FRMD3: variants seen among roughly 807,000 people sequenced by gnomAD.
FRMD3 encodes FERM domain containing 3.
A neutral mutation model predicts 70.2 loss-of-function variants in FRMD3; 33 were observed. That is an observed-to-expected ratio of 0.47 (90% CI 0.36 to 0.63). The LOEUF is 0.63. FRMD3 is among the 20% of genes least tolerant of loss of function. The probability of loss-of-function intolerance (pLI) is 0.00; values close to 1 mark genes in which losing one functional copy is unlikely to be tolerated. For synonymous variants in FRMD3, 279 were observed against 255.9 expected, an observed-to-expected ratio of 1.09 and a Z score of -0.86; for missense variants, 632 against 711.4, an observed-to-expected ratio of 0.89 and a Z score of 1.27.
chr9:83,311,287 G>GAAAA (rs35801668), intron 8 of FRMD3, among the ~76,000 whole-genome samples: 1 of 121,592 alleles, frequency 8.2e-6, no homozygotes, highest in African/African-American at 3.3e-5. Flanking sequence ...GAATGGCAGA[G>GAAAA]AAAAAAAAAA....
chr9:83,252,915 A>G (rs1832498327), intron 13 of FRMD3, among the ~76,000 whole-genome samples: 1 of 152,174 alleles, frequency 6.6e-6, no homozygotes, highest in South Asian at 2.1e-4. Context: ...TAGACTCTAC[A>G]CAATAATAGT....
chr9:83,346,311 G>A (rs1161170294), intron 4 of FRMD3, among the ~76,000 whole-genome samples: 1 of 145,384 alleles, frequency 6.9e-6, no homozygotes, highest in African/African-American at 2.5e-5. Context: ...CCCAGCTGAC[G>A]AATACATAAA....
chr9:83,535,225 GC>G (rs1829867195), intron 1 of FRMD3, among the ~76,000 whole-genome samples: 1 of 152,150 alleles, frequency 6.6e-6, no homozygotes, highest in Non-Finnish European at 1.5e-5. Context: ...TCAAGAAATG[GC>G]ACCTAGAGCT....
chr9:83,247,156 GCT>G lies in FRMD3; in HGVS notation c.*760_*761del, dbSNP rs1379457243. The G allele has an allele frequency of 2.0e-6, 2 of 985,122 alleles. No homozygotes were observed. Among genetic ancestry groups the G allele is most frequent in the East Asian group, 2.3e-4 (2 of 8,816 alleles). 61.0% of individuals were successfully genotyped at this position (985,122 alleles called of 1,614,324 possible). ...ATGGACCACCCTGAGTCCACTTGAT[GCT>G]CTCAGTTTCTACATCCTCCAGTTCC... On this transcript the variant is annotated 3_prime_UTR_variant, in exon 14 of 14. Coordinates refer to ENST00000304195, the MANE Select transcript of FRMD3 (RefSeq NM_174938.6).
intron 1 of FRMD3, among the ~76,000 whole-genome samples, chr9:83,494,858 T>TGTGTGTGTGTGC (rs781680772): frequency 6.7e-6 from 1 of 148,718 alleles, no homozygotes; most frequent in African/African-American, 2.5e-5. Flanking sequence ...TGTGTGTGTG[T>TGTGTGTGTGTGC]GCGCGCGCGC....
intron 1 of FRMD3, among the ~76,000 whole-genome samples, chr9:83,433,772 T>C (rs1827050898): frequency 6.6e-6 from 1 of 152,164 alleles, no homozygotes; most frequent in South Asian, 2.1e-4. Context: ...CAATAGGGTC[T>C]GCACCCCTAT....
chr9:83,283,545 A>T (rs1342113907), intron 13 of FRMD3, among the ~76,000 whole-genome samples: 8 of 25,156 alleles, frequency 3.2e-4, no homozygotes, highest in Non-Finnish European at 6.1e-4. Context: ...AAAAAAAAAA[A>T]AAATAATAAT....
intron 1 of FRMD3, among the ~76,000 whole-genome samples, chr9:83,422,981 G>A (rs545669545): frequency 3.3e-4 from 51 of 152,280 alleles, no homozygotes; most frequent in Non-Finnish European, 6.8e-4. Context: ...AGAAGCCAAA[G>A]TTTCTCAAGG....
chr9:83,327,927 C>T (rs10124534), intron 6 of FRMD3, among the ~76,000 whole-genome samples: 144,653 of 152,244 alleles, frequency 0.95, 68,781 homozygotes, highest in East Asian at 1. Context: ...CATTATCTCT[C>T]GCAAATCCTT....
intron 3 of FRMD3, among the ~76,000 whole-genome samples, chr9:83,355,855 GA>G (rs1434475957): frequency 6.6e-6 from 1 of 152,150 alleles, no homozygotes; most frequent in Non-Finnish European, 1.5e-5. Context: ...AGAGAAGGGG[GA>G]AAAAGTGAAA....
intron 13 of FRMD3, among the ~76,000 whole-genome samples, chr9:83,263,568 G>A (rs1259863421): frequency 1.3e-5 from 2 of 152,144 alleles, no homozygotes; most frequent in Non-Finnish European, 2.9e-5. Context: ...ATCAGTATTG[G>A]CCCTAGCTAA....
At chr9:83,276,262 AAG>A (rs1304263253) in intron 13 of FRMD3, 1 of 152,216 alleles carries the variant, frequency 6.6e-6, no homozygotes, top group Non-Finnish European at 1.5e-5. Context: ...ACTCTCAAGA[AAG>A]AGTCTACTTC....
chr9:83,297,258 T>C (rs1015773915), intron 12 of FRMD3, among the ~76,000 whole-genome samples: 3 of 152,206 alleles, frequency 2.0e-5, no homozygotes, highest in Non-Finnish European at 2.9e-5. Context: ...ATATTTGAGC[T>C]TCAACCTGGA....
At chr9:83,317,409 G>C (rs1835628437) in intron 6 of FRMD3, among the ~76,000 whole-genome samples, 1 of 151,986 alleles carries the variant, frequency 6.6e-6, no homozygotes, top group Non-Finnish European at 1.5e-5. Context: ...CATAGCCTTG[G>C]GCAATCAGCT....
At chr9:83,503,236 T>C (rs953927501) in intron 1 of FRMD3, among the ~76,000 whole-genome samples, 4 of 152,180 alleles carry the variant, frequency 2.6e-5, no homozygotes, top group African/African-American at 9.7e-5. Context: ...GGAAATTATC[T>C]GCATTATCCT....
chr9:83,336,156 T>C (rs778062421), intron 5 of FRMD3, among the ~76,000 whole-genome samples: 77 of 152,154 alleles, frequency 5.1e-4, no homozygotes, highest in East Asian at 1.9e-4. Context: ...ACGTATTGTA[T>C]ACTTAAAAAT....
intron 1 of FRMD3, among the ~76,000 whole-genome samples, chr9:83,421,000 G>A (rs374265960): frequency 0.012 from 1,750 of 140,640 alleles, 40 homozygotes; most frequent in African/African-American, 0.045. Flanking sequence ...GAGTGCAGTG[G>A]CGCGATCTCG....
chr9:83,404,383 T>G (rs150251318), intron 1 of FRMD3, among the ~76,000 whole-genome samples: 1 of 152,284 alleles, frequency 6.6e-6, no homozygotes, highest in African/African-American at 2.4e-5. Context: ...TTTTTTTAAC[T>G]CTTTGAGGCA....
At chr9:83,488,551 C>T (rs1203046852) in intron 1 of FRMD3, among the ~76,000 whole-genome samples, 1 of 152,070 alleles carries the variant, frequency 6.6e-6, no homozygotes, top group Non-Finnish European at 1.5e-5. Context: ...AAAAGGGGAC[C>T]CCGTTTTAAA....
Sources: gnomAD v4.1 joint callset for allele counts (sites outside exome capture counted in the v4.1 genomes callset) on GRCh38, gnomAD v4.1.1 for gene constraint, MANE v1.5 for transcripts, NCBI Gene and HGNC (gene_info 2026-07-23, HGNC 2026-07-21) for gene names.